The following MYZAP variants were observed in gnomAD, a reference collection of about 807,000 sequenced individuals.
MYZAP encodes GRINL1A complex locus upstream.
In MYZAP, 66 loss-of-function variants were observed where a neutral mutation model predicts 69.4. That is an observed-to-expected ratio of 0.95 (90% CI 0.78 to 1.17). The LOEUF (loss-of-function observed/expected upper bound fraction) is 1.17, where lower values mean the gene tolerates loss of function less well. MYZAP is among the 50% of genes most tolerant of loss of function. The probability of loss-of-function intolerance (pLI) is 0.00; values close to 1 mark genes in which losing one functional copy is unlikely to be tolerated. For synonymous variants in MYZAP, 256 were observed against 205.9 expected (o/e 1.24, Z -2.09); for missense variants, 611 against 556.2 (o/e 1.10, Z -0.99).
In MYZAP at chr15:57,618,300, A is replaced by C. The variant is rs1595872858; in HGVS notation, c.318+112A>C. 4 of 1,464,212 alleles carry C rather than the reference A, an allele frequency of 2.7e-6. No individual in the cohort carries two copies. The East Asian group carries it at 7.1e-5, about 26-fold the overall frequency. 90.7% of individuals were successfully genotyped at this position (1,464,212 alleles called of 1,614,324 possible). A position where few individuals can be genotyped will look rare whatever the true frequency, so the allele number is the denominator to read the frequency against. ...AATAAGGCATTTTGAAAGAATTCTT[A>C]GTGTTATCATTTTGGCTGGAAATGT... On this transcript the variant is annotated intron_variant, in intron 3 of 12. Coordinates refer to ENST00000267853, the MANE Select transcript of MYZAP (RefSeq NM_001018100.5).
Position 57,684,592 on chromosome 15 carries a change from C to T in MYZAP, c.*94C>T, listed in dbSNP as rs930397250. ...GGAAGGGTGACTGTTGTTTCCCCTA[C>T]ACACAGTGTAAGCCGGAATGGGAAT... On this transcript the variant is annotated 3_prime_UTR_variant, in exon 13 of 13. Transcript: ENST00000267853. 6.2e-5 allele frequency: 49 copies of T among 790,660 alleles called. No individual in the cohort carries two copies. In the African/African-American group the frequency reaches 6.2e-4, roughly 10 times the overall value. 49.0% of individuals were successfully genotyped at this position (790,660 alleles called of 1,614,324 possible).
chr15:57,668,498 G>A (rs1040502389), intron 11 of MYZAP, among the ~76,000 whole-genome samples: 12 of 152,054 alleles, frequency 7.9e-5, no homozygotes, highest in African/African-American at 2.9e-4. Flanking sequence ...AATTTGTCTA[G>A]TAGGTTTTCT....
Position 57,611,299 on chromosome 15 carries a change from T to C in MYZAP, c.163-6734T>C, listed in dbSNP as rs114804968. Among the ~76,000 whole-genome samples, 630 of 152,332 alleles carry C rather than the reference T, an allele frequency of 4.1e-3. 4 individuals are homozygous for C. Among genetic ancestry groups the C allele is most frequent in the African/African-American group, 0.014 (577 of 41,580 alleles). On this transcript the variant is annotated intron_variant, in intron 2 of 12. Coordinates refer to ENST00000267853, the MANE Select transcript of MYZAP (RefSeq NM_001018100.5). ...TCCAACTCAGGTCTGTGACGGGCCA[T>C]GTTGCCATGGGAACATTGACTTGCG...
At chr15:57,660,856 A>C (rs1396910151) in intron 10 of MYZAP, among the ~76,000 whole-genome samples, 4 of 152,120 alleles carry the variant, frequency 2.6e-5, no homozygotes, top group Admixed American at 6.6e-5. Flanking sequence ...ACAAAGATGG[A>C]TCTTTTTAGG....
chr15:57,657,594 T>C (rs1425927324), intron 10 of MYZAP, among the ~76,000 whole-genome samples: 2 of 152,208 alleles, frequency 1.3e-5, no homozygotes, highest in Non-Finnish European at 1.5e-5. Context: ...TATTTCATAA[T>C]TTATTACCCT....
chr15:57,658,220 TC>T (rs1393602678), intron 10 of MYZAP, among the ~76,000 whole-genome samples: 11 of 152,120 alleles, frequency 7.2e-5, no homozygotes, highest in Non-Finnish European at 1.5e-4. Context: ...ATCTACTCCT[TC>T]CTCTTTTTTC....
chr15:57,634,911 T>C (rs569485581), intron 8 of MYZAP, among the ~76,000 whole-genome samples: 1 of 152,236 alleles, frequency 6.6e-6, no homozygotes, highest in East Asian at 1.9e-4. Flanking sequence ...CAAGGGAGCT[T>C]TCTAGAGCTT....
intron 10 of MYZAP, among the ~76,000 whole-genome samples, chr15:57,660,680 T>TA (rs1326750530): frequency 6.6e-6 from 1 of 152,178 alleles, no homozygotes; most frequent in Non-Finnish European, 1.5e-5. Flanking sequence ...TTTGGAAAGT[T>TA]AATGTGTTAT....
intron 5 of MYZAP, among the ~76,000 whole-genome samples, chr15:57,626,480 G>T (rs2036143338): frequency 1.3e-5 from 2 of 152,278 alleles, no homozygotes; most frequent in South Asian, 2.1e-4. Flanking sequence ...GGTTGATTTG[G>T]TTTACAGGAG....
intron 10 of MYZAP, among the ~76,000 whole-genome samples, chr15:57,659,850 A>G (rs1020459825): frequency 6.6e-6 from 1 of 152,190 alleles, no homozygotes; most frequent in African/African-American, 2.4e-5. Context: ...ACATAAACCT[A>G]TGTAATAACT....
At position 57,597,149 on chromosome 15, in the gene MYZAP, C is replaced by T. The variant is rs116526205; in HGVS notation, c.75+5040C>T. 9.9e-3 allele frequency among the ~76,000 whole-genome samples: 1,510 copies of T among 152,270 alleles called. 25 individuals carry two copies. The highest frequency in any genetic ancestry group is 0.034 in the African/African-American group (1,424 of 41,546). On this transcript the variant is annotated intron_variant, in intron 1 of 12. Coordinates refer to ENST00000267853, the MANE Select transcript of MYZAP (RefSeq NM_001018100.5). ...GGTGACAAATACATGGGAATGCTGG[C>T]CCAGGTGAGGAGGTTGACAGTTCTG...
intron 1 of MYZAP, among the ~76,000 whole-genome samples, chr15:57,603,888 C>T (rs1408337809): frequency 2.0e-5 from 3 of 152,194 alleles, no homozygotes; most frequent in Non-Finnish European, 4.4e-5. Flanking sequence ...AAAGCACCCT[C>T]CCTTCCCAAT....
At chr15:57,593,594 G>A (rs1469602277) in intron 1 of MYZAP, among the ~76,000 whole-genome samples, 5 of 152,136 alleles carry the variant, frequency 3.3e-5, no homozygotes, top group Admixed American at 6.6e-5. Flanking sequence ...AAGATTTTGG[G>A]TCAAACGTTT....
At chr15:57,603,984 A>T (rs541864950) in intron 1 of MYZAP, among the ~76,000 whole-genome samples, 2 of 152,306 alleles carry the variant, frequency 1.3e-5, no homozygotes, top group East Asian at 3.9e-4. Flanking sequence ...TTCTATACAT[A>T]TTCTTATGGA....
At chr15:57,633,389 G>GA in intron 7 of MYZAP, among the ~76,000 whole-genome samples, 1 of 152,120 alleles carries the variant, frequency 6.6e-6, no homozygotes, top group Admixed American at 6.5e-5. Context: ...GGAAAAAAGG[G>GA]AAAAAAATGT....
intron 7 of MYZAP, 125 bp from the exon 8 acceptor site, chr15:57,633,488 C>T: frequency 2.2e-6 from 3 of 1,336,544 alleles, no homozygotes; most frequent in Non-Finnish European, 2.0e-6. Flanking sequence ...CTGTGAGACA[C>T]TTTCAGGTTC....
At chr15:57,680,202 T>G (rs2039360868) in intron 12 of MYZAP, among the ~76,000 whole-genome samples, 1 of 152,184 alleles carries the variant, frequency 6.6e-6, no homozygotes, top group South Asian at 2.1e-4. Flanking sequence ...TGCAGTCACT[T>G]CTGAGTCAGA....
At chr15:57,611,675 A>G (rs2035114521) in intron 2 of MYZAP, among the ~76,000 whole-genome samples, 1 of 152,010 alleles carries the variant, frequency 6.6e-6, no homozygotes, top group Admixed American at 6.6e-5. Flanking sequence ...TTTTCTCCTG[A>G]GTTTACTTAG....
At chr15:57,642,479 A>G (rs576684560) in intron 10 of MYZAP, among the ~76,000 whole-genome samples, 59 of 152,316 alleles carry the variant, frequency 3.9e-4, no homozygotes, top group African/African-American at 1.3e-3. Flanking sequence ...CTCCCCAGGC[A>G]TATAGGCAGC....
Sources: gnomAD v4.1 joint callset for allele counts (sites outside exome capture counted in the v4.1 genomes callset) on GRCh38, gnomAD v4.1.1 for gene constraint, MANE v1.5 for transcripts, NCBI Gene and HGNC (gene_info 2026-07-23, HGNC 2026-07-21) for gene names.